BTC: variants seen among roughly 807,000 people sequenced by gnomAD.
BTC encodes the protein probetacellulin.
A neutral mutation model predicts 18.1 loss-of-function variants in BTC; 13 were observed. The ratio of observed to expected loss-of-function variants is 0.72; its 90% confidence interval spans 0.47 to 1.14. The LOEUF (loss-of-function observed/expected upper bound fraction) is 1.14. Among genes scored for constraint, BTC ranks in the 50% most tolerant of loss-of-function variants. BTC has a pLI of 0.00. For missense variants in BTC, 247 were observed against 224.2 expected (o/e 1.10, Z -0.65); for synonymous variants, 83 against 79.4 (o/e 1.05, Z -0.24).
intron 2 of BTC, among the ~76,000 whole-genome samples, chr4:74,761,751 T>G (rs1553957362): frequency 6.6e-6 from 1 of 152,240 alleles, no homozygotes; most frequent in African/African-American, 2.4e-5. Context: ...TACCCTGGTC[T>G]GAGCCCAGTA....
chr4:74,750,524 C>A, intron 4 of BTC, 49 bp downstream of exon 4: 3 of 1,550,786 alleles, frequency 1.9e-6, no homozygotes, highest in Non-Finnish European at 2.6e-6. Flanking sequence ...AAACTATGAG[C>A]AAATACTGTT....
intron 1 of BTC, among the ~76,000 whole-genome samples, chr4:74,792,242 C>T (rs1039645728): frequency 1.3e-5 from 2 of 152,232 alleles, no homozygotes; most frequent in Admixed American, 6.5e-5. Context: ...TTTAACAGGG[C>T]GGTTGTACAT....
intron 3 of BTC, among the ~76,000 whole-genome samples, chr4:74,752,404 G>T (rs112725036): frequency 4.3e-4 from 64 of 148,182 alleles, no homozygotes; most frequent in African/African-American, 1.6e-3. Flanking sequence ...TTTTGAGACG[G>T]TGTCTCGCTC....
At chr4:74,776,204 C>A (rs1725172587) in intron 1 of BTC, among the ~76,000 whole-genome samples, 1 of 151,470 alleles carries the variant, frequency 6.6e-6, no homozygotes, top group Non-Finnish European at 1.5e-5. Flanking sequence ...ATAGTTTTTA[C>A]ACTTTTTCCT....
intron 2 of BTC, among the ~76,000 whole-genome samples, chr4:74,761,320 C>T (rs1553957299): frequency 6.6e-5 from 10 of 152,266 alleles, no homozygotes. Context: ...GCAGGCTCCT[C>T]CTCGCCTCCC....
At chr4:74,753,204 T>G (rs1278038813) in intron 3 of BTC, among the ~76,000 whole-genome samples, 1 of 152,218 alleles carries the variant, frequency 6.6e-6, no homozygotes, top group Non-Finnish European at 1.5e-5. Flanking sequence ...TTTTTAAAGA[T>G]GTTCATGATC....
Position 74,794,468 on chromosome 4 carries a change from C to G in BTC, c.-143G>C. On this transcript the variant is annotated 5_prime_UTR_variant, in exon 1 of 6. Transcript: ENST00000395743. ...AACGAAACTACTTCCCAGGCTGGCA[C>G]CCTGGCTACAAGGCAGGGAAACACC... The G allele has an allele frequency of 2.1e-6, 2 of 963,794 alleles. No individual in the cohort carries two copies. Among genetic ancestry groups the G allele is most frequent in the Non-Finnish European group, 3.0e-6 (2 of 676,498 alleles). The allele number at this position is 963,794 out of a possible 1,614,324, so 59.7% of individuals were successfully genotyped here.
At chr4:74,774,925 A>T (rs1219157515) in intron 1 of BTC, among the ~76,000 whole-genome samples, 1 of 152,166 alleles carries the variant, frequency 6.6e-6, no homozygotes, top group Non-Finnish European at 1.5e-5. Context: ...ATGCAGAAAA[A>T]AGAAAGGCCT....
At chr4:74,751,142 T>C (rs1373652899) in intron 3 of BTC, among the ~76,000 whole-genome samples, 5 of 152,202 alleles carry the variant, frequency 3.3e-5, no homozygotes, top group Admixed American at 1.3e-4. Context: ...CTATAAATTA[T>C]ATAAAAATTG....
intron 1 of BTC, among the ~76,000 whole-genome samples, chr4:74,785,026 T>C (rs1184546090): frequency 6.6e-6 from 1 of 152,188 alleles, no homozygotes. Flanking sequence ...GTACCTCTGG[T>C]AGAATTCAGC....
chr4:74,769,904 G>A (rs1724994201), intron 2 of BTC, among the ~76,000 whole-genome samples, 154 bp downstream of exon 2: 1 of 152,154 alleles, frequency 6.6e-6, no homozygotes, highest in African/African-American at 2.4e-5. Context: ...AGCTCAGGGG[G>A]CTCTTGTGAG....
At chr4:74,749,119 G>A (rs1718820239) in intron 4 of BTC, among the ~76,000 whole-genome samples, 1 of 152,032 alleles carries the variant, frequency 6.6e-6, no homozygotes, top group South Asian at 2.1e-4. Flanking sequence ...ATACATAATG[G>A]AGGAACCGAG....
At chr4:74,764,283 T>C (rs1553957622) in intron 2 of BTC, among the ~76,000 whole-genome samples, 1 of 152,190 alleles carries the variant, frequency 6.6e-6, no homozygotes, top group African/African-American at 2.4e-5. Context: ...TGTGGGAAAC[T>C]GGCTTTTACA....
intron 1 of BTC, among the ~76,000 whole-genome samples, chr4:74,777,170 A>G (rs2109908373): frequency 6.6e-6 from 1 of 152,284 alleles, no homozygotes; most frequent in South Asian, 2.1e-4. Context: ...CACGAGATTT[A>G]TAATTAAGAT....
At chr4:74,768,502 AC>A in intron 2 of BTC, among the ~76,000 whole-genome samples, 1 of 152,310 alleles carries the variant, frequency 6.6e-6, no homozygotes, top group African/African-American at 2.4e-5. Context: ...TAAGACAGTC[AC>A]AGAAAGACAA....
intron 2 of BTC, among the ~76,000 whole-genome samples, chr4:74,760,975 C>A (rs954388485): frequency 9.2e-5 from 14 of 152,072 alleles, no homozygotes; most frequent in Non-Finnish European, 2.9e-5. Context: ...ACTTCGTGAT[C>A]CGCCTGCCTC....
In BTC at chr4:74,758,534, G is replaced by T. The variant is rs191835981; in HGVS notation, c.164-2558C>A. ...TGTATGAACTGGAAAGATTTTTCCA[G>T]ATTTGCAAAGCATACCGGCCTTTAA... On this transcript the variant is annotated intron_variant, in intron 2 of 5. Transcript: ENST00000395743. 2.6e-5 allele frequency among the ~76,000 whole-genome samples: 4 copies of T among 152,294 alleles called. No individual in the cohort carries two copies. In the East Asian group the frequency reaches 7.7e-4, roughly 29 times the overall value.
At chr4:74,747,661 A>G (rs1430192863) in intron 5 of BTC, among the ~76,000 whole-genome samples, 1 of 152,172 alleles carries the variant, frequency 6.6e-6, no homozygotes, top group Admixed American at 6.5e-5. Flanking sequence ...ACATTTAAAG[A>G]GCTTGTAACA....
At chr4:74,746,835 C>G (rs1444619288) in intron 5 of BTC, among the ~76,000 whole-genome samples, 160 bp from the exon 6 acceptor site, 1 of 152,032 alleles carries the variant, frequency 6.6e-6, no homozygotes, top group Non-Finnish European at 1.5e-5. Flanking sequence ...AAGCATTTAC[C>G]AACCCCATTA....
Sources: gnomAD v4.1 joint callset for allele counts (sites outside exome capture counted in the v4.1 genomes callset) on GRCh38, gnomAD v4.1.1 for gene constraint, MANE v1.5 for transcripts, NCBI Gene and HGNC (gene_info 2026-07-23, HGNC 2026-07-21) for gene names.